The following DISC1 variants were observed in gnomAD, a reference collection of about 807,000 sequenced individuals.
DISC1 encodes disrupted in schizophrenia 1 protein.
Under a neutral mutation model 84.5 loss-of-function variants are expected in DISC1, and 57 were observed. The observed-to-expected ratio is 0.67, with a 90% CI of 0.55 to 0.84. The LOEUF is 0.84. Ranked by LOEUF, DISC1 falls within the 40% of genes least tolerant of loss-of-function variation. The pLI is 0.00. For synonymous variants in DISC1, 411 were observed against 415.2 expected (o/e 0.99, Z 0.12); for missense variants, 1,000 against 1,057.8 (o/e 0.95, Z 0.76).
chr1:231,846,333 G>A (rs929361583), intron 9 of DISC1, among the ~76,000 whole-genome samples: 2 of 152,216 alleles, frequency 1.3e-5, no homozygotes, highest in African/African-American at 2.4e-5. Flanking sequence ...GGACAACTGC[G>A]AAGACACTGT....
At chr1:231,783,486 T>G (rs774729949) in intron 6 of DISC1, among the ~76,000 whole-genome samples, 23 of 152,170 alleles carry the variant, frequency 1.5e-4, no homozygotes, top group Admixed American at 3.3e-4. Context: ...AGTCAAAATG[T>G]TTTTGGCACA....
intron 9 of DISC1, 157 bp downstream of exon 9, chr1:231,818,674 G>T: frequency 6.9e-7 from 1 of 1,445,066 alleles, no homozygotes; most frequent in Non-Finnish European, 9.1e-7. Context: ...CAGGTGCCTT[G>T]GCAAACCGAA....
intron 10 of DISC1, among the ~76,000 whole-genome samples, chr1:231,985,336 CA>C (rs59619547): frequency 0.02 from 1,985 of 99,672 alleles, 50 homozygotes; most frequent in African/African-American, 0.06. Context: ...CCCCACCCAC[CA>C]AAAAAAAAAA....
intron 3 of DISC1, among the ~76,000 whole-genome samples, chr1:231,747,467 T>C (rs188200932): frequency 6.6e-6 from 1 of 152,358 alleles, no homozygotes; most frequent in African/African-American, 2.4e-5. Flanking sequence ...TTCATCCTTC[T>C]GCATATGGAT....
rs1249318872 is a variant in DISC1, at chr1:232,037,777, G to A, written c.*946G>A. ...AGTAACAGTGTAGTACTCAGTAACA[G>A]TGAAGTACTCAGTAATACAGTACAG... is the stretch of plus-strand genomic sequence containing the variant. On this transcript the variant is annotated 3_prime_UTR_variant, in exon 13 of 13. Coordinates refer to ENST00000439617, the MANE Select transcript of DISC1 (RefSeq NM_018662.3). The A allele has an allele frequency of 6.6e-6, 1 of 151,874 alleles. No homozygotes were observed. Among genetic ancestry groups the A allele is most frequent in the Non-Finnish European group, 1.5e-5 (1 of 68,058 alleles). The allele number at this position is 151,874 out of a possible 1,614,324, so 9.4% of individuals were successfully genotyped here.
intron 8 of DISC1, among the ~76,000 whole-genome samples, chr1:231,813,070 C>T (rs1372946068): frequency 1.3e-5 from 2 of 152,164 alleles, no homozygotes; most frequent in African/African-American, 4.8e-5. Context: ...TTAATGATCT[C>T]TCCTATGTTT....
At chr1:231,882,404 G>A (rs1373385076) in intron 9 of DISC1, among the ~76,000 whole-genome samples, 2 of 152,134 alleles carry the variant, frequency 1.3e-5, no homozygotes, top group East Asian at 1.9e-4. Context: ...AAGGAGAAAC[G>A]TAGTTGACAG....
intron 4 of DISC1, among the ~76,000 whole-genome samples, chr1:231,754,556 C>T (rs1041011848): frequency 6.6e-6 from 1 of 152,156 alleles, no homozygotes; most frequent in African/African-American, 2.4e-5. Context: ...ATTTAATCAC[C>T]TCCCACCAGG....
At chr1:231,702,232 A>G in intron 3 of DISC1, 3 of 1,289,152 alleles carry the variant, frequency 2.3e-6, no homozygotes, top group South Asian at 2.0e-5. Context: ...GGTTATAAAT[A>G]TAACCTTATC....
intron 1 of DISC1, among the ~76,000 whole-genome samples, chr1:231,664,658 G>T (rs986335640): frequency 4.6e-5 from 7 of 152,166 alleles, no homozygotes; most frequent in Non-Finnish European, 1.0e-4. Context: ...TTTTAGCCCA[G>T]TGAGACTCAC....
intron 6 of DISC1, among the ~76,000 whole-genome samples, chr1:231,786,769 T>A (rs1233291854): frequency 6.6e-6 from 1 of 152,142 alleles, no homozygotes; most frequent in Non-Finnish European, 1.5e-5. Context: ...AGGTAATATC[T>A]ACACCCTTCA....
intron 9 of DISC1, among the ~76,000 whole-genome samples, chr1:231,892,664 G>T (rs1019057012): frequency 2.8e-5 from 4 of 145,418 alleles, no homozygotes; most frequent in Admixed American, 6.9e-5. Context: ...ATAAAAACAG[G>T]CAATTATAAA....
intron 3 of DISC1, among the ~76,000 whole-genome samples, chr1:231,728,646 A>G (rs902245045): frequency 1.3e-5 from 2 of 152,248 alleles, no homozygotes; most frequent in African/African-American, 4.8e-5. Context: ...TTGTTCTACC[A>G]AGGACCTGAG....
chr1:231,985,711 G>A (rs936041682), intron 10 of DISC1, among the ~76,000 whole-genome samples: 3 of 152,112 alleles, frequency 2.0e-5, no homozygotes, highest in African/African-American at 7.2e-5. Context: ...TACTATTGTT[G>A]TTTCTGTCAT....
chr1:231,958,958 T>C, intron 10 of DISC1, 70 bp downstream of exon 10: 1 of 1,517,918 alleles, frequency 6.6e-7, no homozygotes, highest in South Asian at 1.3e-5. Context: ...CAGAATTTAG[T>C]TAAATCGATG....
intron 9 of DISC1, among the ~76,000 whole-genome samples, chr1:231,831,283 G>A (rs1462850451): frequency 6.6e-6 from 1 of 152,240 alleles, no homozygotes; most frequent in Non-Finnish European, 1.5e-5. Flanking sequence ...CTGGAGGATA[G>A]ATTTCCAGGA....
chr1:231,637,344 G>T (rs2059287048), intron 1 of DISC1, among the ~76,000 whole-genome samples: 1 of 152,180 alleles, frequency 6.6e-6, no homozygotes, highest in South Asian at 2.1e-4. Context: ...TCGGTCAAAT[G>T]ATTAGTTTTT....
chr1:231,770,270 G>T (rs1200491888), intron 5 of DISC1, among the ~76,000 whole-genome samples: 1 of 127,534 alleles, frequency 7.8e-6, no homozygotes, highest in Non-Finnish European at 1.7e-5. Context: ...ATTTCAGTTT[G>T]CTATATTCGT....
chr1:231,768,934 G>T (rs927007954), intron 5 of DISC1, among the ~76,000 whole-genome samples: 6 of 152,162 alleles, frequency 3.9e-5, no homozygotes, highest in Admixed American at 6.5e-5. Context: ...CCTGCAGGGG[G>T]ATACCAACAT....
Sources: gnomAD v4.1 joint callset for allele counts (sites outside exome capture counted in the v4.1 genomes callset) on GRCh38, gnomAD v4.1.1 for gene constraint, MANE v1.5 for transcripts, NCBI Gene and HGNC (gene_info 2026-07-23, HGNC 2026-07-21) for gene names.